Variants in UGT2B7 observed in about 807,000 individuals in gnomAD.
UGT2B7 encodes UDP-glucuronosyltransferase 2B7.
UGT2B7 carries 51 observed loss-of-function variants against 51.9 expected under a neutral mutation model. The ratio of observed to expected loss-of-function variants is 0.98; its 90% confidence interval spans 0.78 to 1.24. UGT2B7 has a LOEUF of 1.24. Ranked by LOEUF, UGT2B7 falls within the 50% of genes most tolerant of loss-of-function variation. The probability of loss-of-function intolerance (pLI) is 0.00; values close to 1 mark genes in which losing one functional copy is unlikely to be tolerated. For synonymous variants in UGT2B7, 225 were observed against 211.6 expected (o/e 1.06, Z -0.55); for missense variants, 727 against 628.4 (o/e 1.16, Z -1.68).
rs142207556 is a variant in UGT2B7 at position 69,111,090 on chromosome 4, G to A, written c.1311-1367G>A. On this transcript the variant is annotated intron_variant, in intron 5 of 5. Coordinates refer to ENST00000305231, the MANE Select transcript of UGT2B7 (RefSeq NM_001074.4). ...ATTCCTTGGGTTGTAGCAAGAGAGA[G>A]TACTCCAAGAGCGGGAGAGAGGGGA... 3.8e-3 allele frequency among the ~76,000 whole-genome samples: 572 copies of A among 152,182 alleles called. 1 individual carries two copies. The highest frequency in any genetic ancestry group is 0.013 in the African/African-American group (544 of 41,526).
At chr4:69,097,648 T>C (rs1387775050) in intron 1 of UGT2B7, among the ~76,000 whole-genome samples, 1 of 152,122 alleles carries the variant, frequency 6.6e-6, no homozygotes, top group Non-Finnish European at 1.5e-5. Flanking sequence ...AAATTGTTTT[T>C]TCTTGTAAAC....
chr4:69,086,712 G>C (rs1046339547), intron 1 of UGT2B7, among the ~76,000 whole-genome samples: 2 of 151,738 alleles, frequency 1.3e-5, no homozygotes, highest in African/African-American at 4.8e-5. Flanking sequence ...TGGAGCTCTT[G>C]ATTATTATAC....
chr4:69,083,201 T>A (rs193035962), intron 1 of UGT2B7, among the ~76,000 whole-genome samples: 3 of 152,238 alleles, frequency 2.0e-5, no homozygotes, highest in Admixed American at 1.3e-4. Flanking sequence ...AAAGTTCTGA[T>A]AGGAATGTAC....
chr4:69,083,026 G>A (rs4443355), intron 1 of UGT2B7, among the ~76,000 whole-genome samples: 86,757 of 151,878 alleles, frequency 0.57, 25,672 homozygotes, highest in East Asian at 0.7. Context: ...TTGAGAATCT[G>A]CTTTGCCTGT....
chr4:69,099,990 A>C (rs1719372383), intron 2 of UGT2B7, among the ~76,000 whole-genome samples: 1 of 152,042 alleles, frequency 6.6e-6, no homozygotes, highest in South Asian at 2.1e-4. Flanking sequence ...GCAGCGTAAA[A>C]CACTTCCTCA....
At chr4:69,052,568 TCAA>T (rs1426482770) in intron 1 of UGT2B7, among the ~76,000 whole-genome samples, 1 of 12,972 alleles carries the variant, frequency 7.7e-5, no homozygotes, top group African/African-American at 4.9e-4. Context: ...ATGGTTATCT[TCAA>T]AAAAAAAAAA....
At chr4:69,091,481 T>G (rs1719083533), upstream of UGT2B7, among the ~76,000 whole-genome samples, 1 of 152,208 alleles carries the variant, frequency 6.6e-6, no homozygotes, top group Non-Finnish European at 1.5e-5. Flanking sequence ...GAACAAATTT[T>G]TCTGGATACA....
At chr4:69,064,536 CA>C (rs1455998209) in intron 1 of UGT2B7, among the ~76,000 whole-genome samples, 3 of 152,168 alleles carry the variant, frequency 2.0e-5, no homozygotes, top group African/African-American at 7.2e-5. Flanking sequence ...ATCTAGGTTG[CA>C]AAGCAACAGT....
At chr4:69,072,037 A>G (rs1718612759) in intron 1 of UGT2B7, among the ~76,000 whole-genome samples, 1 of 152,116 alleles carries the variant, frequency 6.6e-6, no homozygotes, top group Admixed American at 6.6e-5. Context: ...TCTATTCATG[A>G]GCTATCAAAG....
intron 1 of UGT2B7, among the ~76,000 whole-genome samples, chr4:69,074,063 G>T (rs1444791190): frequency 1.3e-5 from 2 of 152,014 alleles, no homozygotes; most frequent in Admixed American, 6.6e-5. Context: ...ATCTCATTTT[G>T]TCTAGGCATG....
chr4:69,096,579 C>G lies in UGT2B7; in HGVS notation c.59C>G (p.Ser20Cys). Residue 20 changes from serine to cysteine, a missense_variant, in exon 1 of 6, where the codon TCT becomes TGT. Coordinates refer to ENST00000305231, the MANE Select transcript of UGT2B7 (RefSeq NM_001074.4). The stretch of plus-strand genomic sequence containing the variant: ...ATACAACTGAGCTTTTGCTTTAGCT[C>G]TGGGAATTGTGGAAAGGTGCTGGTG... Reference protein sequence around the residue: ...LLIQLSFCFSSGNCGKVLVWA... With the variant: ...LLIQLSFCFSCGNCGKVLVWA... 1 of 1,613,900 alleles carries G rather than the reference C, an allele frequency of 6.2e-7. No homozygotes were observed. The highest frequency in any genetic ancestry group is 8.5e-7 in the Non-Finnish European group (1 of 1,179,874).
chr4:69,093,593 T>C (rs1252888640), upstream of UGT2B7, among the ~76,000 whole-genome samples: 1 of 152,150 alleles, frequency 6.6e-6, no homozygotes, highest in Non-Finnish European at 1.5e-5. Flanking sequence ...AGGCATCACG[T>C]CTCTACACGT....
chr4:69,108,337 ATT>A lies in UGT2B7; in HGVS notation c.1310+19_1310+20del. 6.2e-7 allele frequency: 1 copy of A among 1,611,494 alleles called. No homozygotes were observed. The highest frequency in any genetic ancestry group is 8.5e-7 in the Non-Finnish European group (1 of 1,178,030). On this transcript the variant is annotated intron_variant, in intron 5 of 5. Coordinates refer to ENST00000305231, the MANE Select transcript of UGT2B7 (RefSeq NM_001074.4). ...AATGATCCTTCGTGAGTAGAACAATATTTTTCACTAGGTGGTATTTACAGATA... is the reference window on the plus strand; with the variant it reads ...AATGATCCTTCGTGAGTAGAACAATATTTCACTAGGTGGTATTTACAGATA...
intron 1 of UGT2B7, chr4:69,067,284 T>A (rs1022986722): frequency 1.3e-5 from 2 of 152,294 alleles, no homozygotes; most frequent in African/African-American, 4.8e-5. Flanking sequence ...GCAGTTTTAC[T>A]GTTGCAATAA....
chr4:69,084,313 T>C (rs1442169250), intron 1 of UGT2B7, among the ~76,000 whole-genome samples: 1 of 118,376 alleles, frequency 8.4e-6, no homozygotes, highest in Non-Finnish European at 1.7e-5. Flanking sequence ...TTCATCAGGA[T>C]TATTGGTCTA....
chr4:69,068,900 A>G (rs1377865152), intron 1 of UGT2B7, among the ~76,000 whole-genome samples: 1 of 152,080 alleles, frequency 6.6e-6, no homozygotes, highest in Non-Finnish European at 1.5e-5. Flanking sequence ...AAAGTAAAAT[A>G]CTGAAAGCCA....
At chr4:69,107,782 T>A (rs1719647562) in intron 4 of UGT2B7, among the ~76,000 whole-genome samples, 1 of 152,126 alleles carries the variant, frequency 6.6e-6, no homozygotes, top group Admixed American at 6.6e-5. Flanking sequence ...TATCACACTC[T>A]GTGACTGCAC....
intron 1 of UGT2B7, among the ~76,000 whole-genome samples, chr4:69,063,996 G>A (rs1162707546): frequency 7.0e-6 from 1 of 143,428 alleles, no homozygotes; most frequent in African/African-American, 2.6e-5. Flanking sequence ...TTTACAGGAG[G>A]CATCAAAGGG....
chr4:69,095,455 G>A (rs543136751), upstream of UGT2B7, among the ~76,000 whole-genome samples: 3 of 152,338 alleles, frequency 2.0e-5, no homozygotes, highest in East Asian at 5.8e-4. Context: ...AGCCGAGTCA[G>A]TAGTTTTAGC....
Sources: gnomAD v4.1 joint callset for allele counts (sites outside exome capture counted in the v4.1 genomes callset) on GRCh38, gnomAD v4.1.1 for gene constraint, MANE v1.5 for transcripts, NCBI Gene and HGNC (gene_info 2026-07-23, HGNC 2026-07-21) for gene names.